PRELID2: variants seen among roughly 807,000 people sequenced by gnomAD.
PRELID2 encodes the protein PRELI domain containing 2.
A neutral mutation model predicts 28.4 loss-of-function variants in PRELID2; 25 were observed. The ratio of observed to expected loss-of-function variants is 0.88; its 90% CI spans 0.64 to 1.23. The LOEUF (loss-of-function observed/expected upper bound fraction) is 1.23. Among genes scored for constraint, PRELID2 ranks in the 50% most tolerant of loss-of-function variants. The pLI, the probability that PRELID2 is intolerant of heterozygous loss-of-function variation, is 0.00. For synonymous variants in PRELID2, 76 were observed against 71.6 expected, an observed-to-expected ratio of 1.06 and a Z score of -0.31; for missense variants, 201 against 214.4, an observed-to-expected ratio of 0.94 and a Z score of 0.39.
At chr5:145,240,023 C>T in the PRELID2 span, among the ~76,000 whole-genome samples, 6 of 151,950 alleles carry the variant, frequency 3.9e-5, no homozygotes, top group African/African-American at 1.4e-4. Context: ...TCTTTTCTCC[C>T]TCCTAAATAA....
At chr5:145,288,124 C>G in the PRELID2 span, among the ~76,000 whole-genome samples, 16 of 151,950 alleles carry the variant, frequency 1.1e-4, no homozygotes, top group African/African-American at 3.4e-4. Flanking sequence ...CTATTAGTTT[C>G]CTACACTGTA....
At chr5:145,485,690 T>C (rs1752211053) in intron 1 of PRELID2, among the ~76,000 whole-genome samples, 1 of 152,194 alleles carries the variant, frequency 6.6e-6, no homozygotes, top group Admixed American at 6.5e-5. Context: ...CGTCTGTCCC[T>C]GACCAGAGAC....
At chr5:145,660,879 C>T (rs911048023) in intron 1 of PRELID2, among the ~76,000 whole-genome samples, 2 of 152,102 alleles carry the variant, frequency 1.3e-5, no homozygotes, top group African/African-American at 2.4e-5. Context: ...AATATATTAC[C>T]GCTTGAAGTA....
the PRELID2 span, among the ~76,000 whole-genome samples, chr5:145,301,477 G>A: frequency 6.6e-6 from 1 of 151,972 alleles, no homozygotes; most frequent in Admixed American, 6.6e-5. Context: ...TTTTCTTACT[G>A]GTGTCTTTTG....
intron 1 of PRELID2, among the ~76,000 whole-genome samples, chr5:145,667,771 A>C (rs945633756): frequency 6.6e-6 from 1 of 152,040 alleles, no homozygotes; most frequent in African/African-American, 2.4e-5. Context: ...TAATAATATC[A>C]ATATAAACCC....
the PRELID2 span, among the ~76,000 whole-genome samples, chr5:145,424,386 A>T: frequency 6.6e-6 from 1 of 152,336 alleles, no homozygotes; most frequent in East Asian, 1.9e-4. Context: ...GCAATCAGCG[A>T]GACTCCGTGA....
chr5:145,732,203 T>G (rs975251151), intron 1 of PRELID2, among the ~76,000 whole-genome samples: 12 of 152,212 alleles, frequency 7.9e-5, no homozygotes, highest in Non-Finnish European at 1.2e-4. Context: ...TTGCAGTCCT[T>G]TATCTTGCTG....
chr5:145,421,128 G>C, the PRELID2 span, among the ~76,000 whole-genome samples: 1 of 151,810 alleles, frequency 6.6e-6, no homozygotes, highest in African/African-American at 2.4e-5. Flanking sequence ...TGCTGGATTC[G>C]TTTTGCTAGT....
chr5:145,653,745 A>G (rs1447825995), intron 1 of PRELID2, among the ~76,000 whole-genome samples: 2 of 152,248 alleles, frequency 1.3e-5, no homozygotes, highest in African/African-American at 4.8e-5. Flanking sequence ...GACACATCAA[A>G]GCAGTGTGTA....
chr5:145,697,529 A>G (rs1235587309), intron 1 of PRELID2, among the ~76,000 whole-genome samples: 1 of 152,138 alleles, frequency 6.6e-6, no homozygotes, highest in Non-Finnish European at 1.5e-5. Flanking sequence ...GCATTTCTCT[A>G]CGCCATGTTT....
chr5:145,362,332 A>G, the PRELID2 span, among the ~76,000 whole-genome samples: 2 of 152,168 alleles, frequency 1.3e-5, no homozygotes, highest in African/African-American at 2.4e-5. Flanking sequence ...TTCATCTCGC[A>G]TAGTTAGGAA....
chr5:145,779,084 G>C (rs1758602942), intron 5 of PRELID2, among the ~76,000 whole-genome samples: 1 of 152,164 alleles, frequency 6.6e-6, no homozygotes, highest in African/African-American at 2.4e-5. Flanking sequence ...CTGTTTTTAA[G>C]AGTTTTGTTA....
At chr5:145,804,157 C>T (rs1753339011) in intron 4 of PRELID2, among the ~76,000 whole-genome samples, 1 of 152,156 alleles carries the variant, frequency 6.6e-6, no homozygotes, top group African/African-American at 2.4e-5. Flanking sequence ...ATCTCAGAGG[C>T]TCAGCAGGTT....
chr5:145,277,337 G>T, the PRELID2 span, among the ~76,000 whole-genome samples: 2 of 152,080 alleles, frequency 1.3e-5, no homozygotes, highest in African/African-American at 4.8e-5. Flanking sequence ...TAAAAATAAA[G>T]AAATATGTTT....
At chr5:145,303,388 G>C in the PRELID2 span, among the ~76,000 whole-genome samples, 1 of 152,154 alleles carries the variant, frequency 6.6e-6, no homozygotes, top group Admixed American at 6.6e-5. Flanking sequence ...TTCTACTTCA[G>C]ACTGTCACCC....
At chr5:145,731,299 A>C (rs1756339098) in intron 1 of PRELID2, among the ~76,000 whole-genome samples, 1 of 152,240 alleles carries the variant, frequency 6.6e-6, no homozygotes, top group South Asian at 2.1e-4. Flanking sequence ...GCAAATGTTA[A>C]TATCGGCTTC....
chr5:145,811,335 T>C (rs1753925489), intron 4 of PRELID2, among the ~76,000 whole-genome samples: 1 of 151,918 alleles, frequency 6.6e-6, no homozygotes, highest in African/African-American at 2.4e-5. Flanking sequence ...GTTGCCCAGG[T>C]TGGAATTCAA....
chr5:145,285,084 T>C, the PRELID2 span, among the ~76,000 whole-genome samples: 1 of 152,058 alleles, frequency 6.6e-6, no homozygotes, highest in Non-Finnish European at 1.5e-5. Context: ...ATGCAATTGG[T>C]AACGGTCAGA....
intron 1 of PRELID2, among the ~76,000 whole-genome samples, chr5:145,593,911 C>T (rs889580308): frequency 6.6e-6 from 1 of 152,024 alleles, no homozygotes; most frequent in African/African-American, 2.4e-5. Flanking sequence ...AATCTGGGAA[C>T]CTTGAACACT....
Sources: gnomAD v4.1 joint callset for allele counts (sites outside exome capture counted in the v4.1 genomes callset) on GRCh38, gnomAD v4.1.1 for gene constraint, MANE v1.5 for transcripts, NCBI Gene and HGNC (gene_info 2026-07-23, HGNC 2026-07-21) for gene names.